Variants in ATL2 observed in about 807,000 individuals in gnomAD.
ATL2 encodes atlastin GTPase 2.
In ATL2, 31 loss-of-function variants were observed where a neutral mutation model predicts 73.9. That is an observed-to-expected ratio of 0.42 (90% CI 0.32 to 0.57). The LOEUF (loss-of-function observed/expected upper bound fraction) is 0.57. Ranked by LOEUF, ATL2 falls within the 20% of genes least tolerant of loss-of-function variation. The pLI, the probability that ATL2 is intolerant of heterozygous loss-of-function variation, is 0.14. For synonymous variants in ATL2, 291 were observed against 237.5 expected (o/e 1.23, Z -2.07); for missense variants, 738 against 702.6 (o/e 1.05, Z -0.57).
chr2:38,343,378 G>A lies in ATL2; in HGVS notation c.253C>T (p.Leu85=), dbSNP rs1669840274. ...LDEEALEQIL[L]QEHIRDLNIV... ...TTAAGATCTCGTATGTGCTCCTGTA[G>A]CAATATCTGCTCCAAAGCTTCTTCA... Residue 85 remains leucine (L), a synonymous_variant, in exon 2 of 13, where the codon CTA becomes TTA. Coordinates refer to ENST00000378954, the MANE Select transcript of ATL2 (RefSeq NM_001135673.4). 2.5e-6 allele frequency: 4 copies of A among 1,611,718 alleles called. No individual in the cohort carries two copies. The highest frequency in any genetic ancestry group is 1.7e-5 in the Admixed American group (1 of 59,514).
intron 8 of ATL2, 30 bp downstream of exon 8, chr2:38,310,279 T>C: frequency 1.2e-6 from 2 of 1,607,434 alleles, no homozygotes; most frequent in Middle Eastern, 3.3e-4. Flanking sequence ...ATAAATAAGT[T>C]CAGATTTTAG....
intron 2 of ATL2, among the ~76,000 whole-genome samples, chr2:38,334,055 A>G (rs1669159592): frequency 2.9e-5 from 4 of 139,542 alleles, no homozygotes; most frequent in Non-Finnish European, 6.1e-5. Flanking sequence ...TTTGAGACAG[A>G]GTCTCACTCT....
intron 2 of ATL2, among the ~76,000 whole-genome samples, chr2:38,325,660 GTACACACA>G (rs1558411749): frequency 3.8e-4 from 2 of 5,218 alleles, no homozygotes; most frequent in African/African-American, 5.4e-4. Flanking sequence ...ACACACACCA[GTACACACA>G]CACACACACA....
intron 1 of ATL2, 26 bp downstream of exon 1, chr2:38,377,117 G>A (rs1672024322): frequency 1.2e-6 from 2 of 1,600,284 alleles, no homozygotes; most frequent in Admixed American, 3.4e-5. Flanking sequence ...TCAGGGCCCC[G>A]CGGCCTCTGC....
intron 2 of ATL2, among the ~76,000 whole-genome samples, chr2:38,340,043 T>C (rs762998652): frequency 1.3e-5 from 2 of 151,840 alleles, no homozygotes; most frequent in Non-Finnish European, 2.9e-5. Context: ...CATGAGTACA[T>C]CTCAAAGTTA....
chr2:38,377,059 C>T, intron 1 of ATL2, 84 bp downstream of exon 1: 2 of 1,345,080 alleles, frequency 1.5e-6, no homozygotes, highest in Non-Finnish European at 2.0e-6. Flanking sequence ...CCGACCCCGC[C>T]GCCTGCGGCC....
At chr2:38,334,797 A>G (rs1235264735) in intron 2 of ATL2, among the ~76,000 whole-genome samples, 2 of 135,776 alleles carry the variant, frequency 1.5e-5, no homozygotes, top group Non-Finnish European at 3.2e-5. Context: ...ATTTTGTTAC[A>G]TAAGTTCTAT....
In ATL2 at chr2:38,324,261, A is replaced by G. The variant is rs578127546; in HGVS notation, c.364-5242T>C. 5.9e-5 allele frequency among the ~76,000 whole-genome samples: 9 copies of G among 152,280 alleles called. No homozygotes were observed. In the South Asian group the frequency reaches 6.2e-4, roughly 11 times the overall value. On this transcript the variant is annotated intron_variant, in intron 2 of 12. Coordinates refer to ENST00000378954, the MANE Select transcript of ATL2 (RefSeq NM_001135673.4). Reference sequence around the variant, plus strand: ...CCATTGCACTCCAGCCTGGGCAACAAAAGCGAAACTCAGTCTCAAAAAAAA... The same window carrying G: ...CCATTGCACTCCAGCCTGGGCAACAGAAGCGAAACTCAGTCTCAAAAAAAA...
At chr2:38,330,120 C>G (rs1470091907) in intron 2 of ATL2, among the ~76,000 whole-genome samples, 2 of 146,552 alleles carry the variant, frequency 1.4e-5, no homozygotes, top group African/African-American at 5.2e-5. Flanking sequence ...CAGAACAAGA[C>G]TGTCTCAAAA....
intron 2 of ATL2, among the ~76,000 whole-genome samples, chr2:38,334,158 T>G (rs1669167504): frequency 6.6e-6 from 1 of 150,924 alleles, no homozygotes. Context: ...GCCTCCTGAG[T>G]AGCTGAGATT....
At chr2:38,353,340 G>A (rs557625071) in intron 1 of ATL2, among the ~76,000 whole-genome samples, 1 of 152,136 alleles carries the variant, frequency 6.6e-6, no homozygotes, top group African/African-American at 2.4e-5. Context: ...GACAACAGCA[G>A]ACTGTAGGTA....
chr2:38,354,601 A>G (rs1670553169), intron 1 of ATL2, among the ~76,000 whole-genome samples: 1 of 152,184 alleles, frequency 6.6e-6, no homozygotes, highest in Non-Finnish European at 1.5e-5. Context: ...TTAAAAAGCC[A>G]ATAAGGGGCC....
intron 1 of ATL2, chr2:38,376,212 T>C (rs1377664022): frequency 6.6e-7 from 1 of 1,508,226 alleles, no homozygotes; most frequent in Non-Finnish European, 8.9e-7. Flanking sequence ...ATGCGATCAA[T>C]TCGCACCACA....
chr2:38,327,540 C>CAAAAAAAAAAAAAAAAAAACAA (rs56332855), intron 2 of ATL2, among the ~76,000 whole-genome samples: 2 of 89,958 alleles, frequency 2.2e-5, no homozygotes, highest in Non-Finnish European at 4.8e-5. Context: ...AAAAAAAGTA[C>CAAAAAAAAAAAAAAAAAAACAA]AAAAAAAAAA....
chr2:38,329,872 T>A (rs895228599), intron 2 of ATL2, among the ~76,000 whole-genome samples: 6 of 152,162 alleles, frequency 3.9e-5, no homozygotes, highest in Non-Finnish European at 2.9e-5. Flanking sequence ...CTCACGCCTG[T>A]AATCCCAACA....
chr2:38,365,844 G>A (rs1237478524), intron 1 of ATL2, among the ~76,000 whole-genome samples: 1 of 151,992 alleles, frequency 6.6e-6, no homozygotes, highest in Non-Finnish European at 1.5e-5. Context: ...TTACTCGGGA[G>A]GCTGAGGCAG....
chr2:38,357,967 T>A (rs2124458612), intron 1 of ATL2, among the ~76,000 whole-genome samples: 1 of 152,316 alleles, frequency 6.6e-6, no homozygotes, highest in Non-Finnish European at 1.5e-5. Context: ...TTATTTAGTG[T>A]TATTTCCTCC....
At chr2:38,317,206 A>T (rs1668070780) in intron 4 of ATL2, among the ~76,000 whole-genome samples, 1 of 152,168 alleles carries the variant, frequency 6.6e-6, no homozygotes, top group South Asian at 2.1e-4. Flanking sequence ...ACCATTGATA[A>T]GAACAATTTC....
chr2:38,377,868 C>A (rs1171666113), upstream of ATL2, among the ~76,000 whole-genome samples: 1 of 151,964 alleles, frequency 6.6e-6, no homozygotes, highest in African/African-American at 2.4e-5. Context: ...TCCCCCCCAC[C>A]ATCCTAAGGT....
Sources: allele counts gnomAD v4.1 joint callset (sites outside exome capture counted in the v4.1 genomes callset), GRCh38; gene constraint gnomAD v4.1.1; transcripts MANE v1.5; gene names NCBI Gene and HGNC (gene_info 2026-07-23, HGNC 2026-07-21).